The following CHRNA7 variants were observed in gnomAD, a reference collection of about 807,000 sequenced individuals.
CHRNA7 encodes neuronal acetylcholine receptor subunit alpha-7.
CHRNA7 carries 17 observed loss-of-function variants against 48.0 expected under a neutral mutation model. The ratio of observed to expected loss-of-function variants is 0.35; its 90% confidence interval spans 0.24 to 0.53. The LOEUF (loss-of-function observed/expected upper bound fraction) is 0.53. Among genes scored for constraint, CHRNA7 ranks in the 20% least tolerant of loss-of-function variants. The probability of loss-of-function intolerance (pLI) is 0.92; values close to 1 mark genes in which losing one functional copy is unlikely to be tolerated. For missense variants in CHRNA7, 155 were observed against 577.7 expected (o/e 0.27, Z 7.50); for synonymous variants, 75 against 242.3 (o/e 0.31, Z 6.41).
intron 2 of CHRNA7, among the ~76,000 whole-genome samples, chr15:32,097,652 A>G (rs979746649): frequency 2.0e-5 from 3 of 152,232 alleles, no homozygotes; most frequent in African/African-American, 7.2e-5. Context: ...GGAATTAAAC[A>G]TAGAGTCTGT....
chr15:32,084,029 T>C (rs1424883899), intron 2 of CHRNA7, among the ~76,000 whole-genome samples: 1 of 152,202 alleles, frequency 6.6e-6, no homozygotes, highest in Non-Finnish European at 1.5e-5. Flanking sequence ...GGTATAGTTT[T>C]CCTTGTGTTA....
intron 3 of CHRNA7, among the ~76,000 whole-genome samples, chr15:32,103,885 A>C (rs2141265146): frequency 6.6e-6 from 1 of 152,276 alleles, no homozygotes; most frequent in Admixed American, 6.5e-5. Context: ...CCTCTGATAC[A>C]TCAACAAATC....
chr15:32,146,789 T>C (rs1367520829), intron 4 of CHRNA7, among the ~76,000 whole-genome samples: 1 of 152,220 alleles, frequency 6.6e-6, no homozygotes, highest in Non-Finnish European at 1.5e-5. Context: ...CTAAATTTAA[T>C]GTGATTCCAA....
At chr15:32,145,408 T>C (rs2051467287) in intron 4 of CHRNA7, among the ~76,000 whole-genome samples, 1 of 152,184 alleles carries the variant, frequency 6.6e-6, no homozygotes. Flanking sequence ...CTATCCATTC[T>C]CAGAGCTTGA....
At chr15:32,051,455 T>G (rs1009472600) in intron 2 of CHRNA7, among the ~76,000 whole-genome samples, 5 of 152,172 alleles carry the variant, frequency 3.3e-5, no homozygotes, top group South Asian at 2.1e-4. Context: ...CTCCGAGCCA[T>G]GTGCGGGATA....
chr15:32,148,612 G>T (rs1172262796), intron 4 of CHRNA7, among the ~76,000 whole-genome samples: 1 of 152,182 alleles, frequency 6.6e-6, no homozygotes, highest in Non-Finnish European at 1.5e-5. Flanking sequence ...GGGTCCACCT[G>T]TGCCCCATGG....
chr15:32,126,240 A>G (rs2051064576), intron 4 of CHRNA7, among the ~76,000 whole-genome samples: 1 of 152,142 alleles, frequency 6.6e-6, no homozygotes, highest in African/African-American at 2.4e-5. Flanking sequence ...TACTTTATTG[A>G]CTTCCAGATG....
In CHRNA7 at chr15:32,093,498, GCT is replaced by G. The variant is rs541635549; in HGVS notation, c.196-7800_196-7799del. ...GGTGGGGCTCACCTCCCCCGGGCAAGCTCTCTTATTCCTGCACACACAGGCAG... is the reference window on the plus strand; with the variant it reads ...GGTGGGGCTCACCTCCCCCGGGCAAGCTCTTATTCCTGCACACACAGGCAG... On this transcript the variant is annotated intron_variant, in intron 2 of 9. Coordinates refer to ENST00000306901, the MANE Select transcript of CHRNA7 (RefSeq NM_000746.6). Among the ~76,000 whole-genome samples, 38 of 152,306 alleles carry G rather than the reference GCT, an allele frequency of 2.5e-4. 1 individual carries two copies. In the South Asian group the frequency reaches 7.3e-3, roughly 29 times the overall value.
intron 2 of CHRNA7, among the ~76,000 whole-genome samples, chr15:32,085,980 A>G (rs984102963): frequency 6.6e-6 from 1 of 152,190 alleles, no homozygotes; most frequent in African/African-American, 2.4e-5. Context: ...TTCATATTCT[A>G]TCGTTTTACT....
chr15:32,129,111 T>C (rs1288636013), intron 4 of CHRNA7, among the ~76,000 whole-genome samples: 1 of 151,956 alleles, frequency 6.6e-6, no homozygotes, highest in Non-Finnish European at 1.5e-5. Context: ...AAACTCTACT[T>C]GGTCATGTGT....
At chr15:32,045,590 A>G (rs58764778) in intron 2 of CHRNA7, among the ~76,000 whole-genome samples, 43,521 of 151,140 alleles carry the variant, frequency 0.29, 8,083 homozygotes, top group East Asian at 0.61. Flanking sequence ...AGGCTGGCAT[A>G]TGGTGGCACA....
intron 4 of CHRNA7, among the ~76,000 whole-genome samples, chr15:32,150,286 G>A (rs1340776748): frequency 6.6e-6 from 1 of 152,092 alleles, no homozygotes; most frequent in African/African-American, 2.4e-5. Flanking sequence ...TCAAACTTCT[G>A]GCTTCAAATG....
At chr15:32,143,986 G>A (rs780823239) in intron 4 of CHRNA7, among the ~76,000 whole-genome samples, 3 of 152,148 alleles carry the variant, frequency 2.0e-5, no homozygotes, top group Non-Finnish European at 4.4e-5. Context: ...TATTTTGCCT[G>A]TTAATTGATG....
chr15:32,117,774 T>A (rs887007329), intron 4 of CHRNA7, among the ~76,000 whole-genome samples: 3 of 151,996 alleles, frequency 2.0e-5, no homozygotes, highest in African/African-American at 7.2e-5. Flanking sequence ...ATCTGTGAGA[T>A]GTAGTGTTGT....
chr15:32,103,426 A>AAT (rs10699682), intron 3 of CHRNA7, among the ~76,000 whole-genome samples: 2 of 143,136 alleles, frequency 1.4e-5, no homozygotes. Flanking sequence ...AAAAAAAAAA[A>AAT]GAAAGAAAAA....
intron 4 of CHRNA7, among the ~76,000 whole-genome samples, chr15:32,114,031 T>TAC (rs1335996222): frequency 2.1e-5 from 2 of 93,542 alleles, no homozygotes; most frequent in African/African-American, 4.3e-5. Context: ...TATATATATA[T>TAC]ATATATATAT....
At chr15:32,035,498 A>T (rs1285481646) in intron 2 of CHRNA7, among the ~76,000 whole-genome samples, 1 of 152,236 alleles carries the variant, frequency 6.6e-6, no homozygotes, top group Non-Finnish European at 1.5e-5. Flanking sequence ...AGCTTTAGTC[A>T]CAAGACCGTA....
chr15:32,055,022 T>G (rs1205735968), intron 2 of CHRNA7, among the ~76,000 whole-genome samples: 2 of 152,238 alleles, frequency 1.3e-5, no homozygotes, highest in Non-Finnish European at 2.9e-5. Flanking sequence ...ATGAAAATTC[T>G]TGTTGCTCTA....
chr15:32,054,448 T>A (rs2049749330), intron 2 of CHRNA7, among the ~76,000 whole-genome samples: 1 of 152,208 alleles, frequency 6.6e-6, no homozygotes, highest in Non-Finnish European at 1.5e-5. Context: ...TCTTTAACCC[T>A]ATTCTAAAAC....
Sources: allele counts gnomAD v4.1 joint callset (sites outside exome capture counted in the v4.1 genomes callset), GRCh38; gene constraint gnomAD v4.1.1; transcripts MANE v1.5; gene names NCBI Gene and HGNC (gene_info 2026-07-23, HGNC 2026-07-21).